RSRC1: variants seen among roughly 807,000 people sequenced by gnomAD.
RSRC1 encodes the protein serine/Arginine-related protein 53.
In RSRC1, 39 loss-of-function variants were observed where a neutral mutation model predicts 49.1. The observed-to-expected ratio is 0.79, with a 90% CI of 0.61 to 1.04. The LOEUF (loss-of-function observed/expected upper bound fraction) is 1.04. Ranked by LOEUF, RSRC1 falls within the 50% of genes least tolerant of loss-of-function variation. The pLI, the probability that RSRC1 is intolerant of heterozygous loss-of-function variation, is 0.00. For synonymous variants in RSRC1, 143 were observed against 130.8 expected, an observed-to-expected ratio of 1.09 and a Z score of -0.63; for missense variants, 388 against 402.4, an observed-to-expected ratio of 0.96 and a Z score of 0.31.
Position 158,330,447 on chromosome 3 carries a change from G to A in RSRC1, c.532-24410G>A, listed in dbSNP as rs1272134395. The stretch of plus-strand genomic sequence containing the variant: ...CTTAAAATGAAAATCCTATGTCAAA[G>A]GGTATGAGTATTTTAAATGTTCTTA... On this transcript the variant is annotated intron_variant, in intron 5 of 9. Transcript: ENST00000611884. 2.6e-5 allele frequency among the ~76,000 whole-genome samples: 4 copies of A among 152,268 alleles called. No individual in the cohort carries two copies. The East Asian group carries it at 5.8e-4, about 22-fold the overall frequency.
intron 5 of RSRC1, among the ~76,000 whole-genome samples, chr3:158,311,232 T>C (rs1324875520): frequency 6.6e-6 from 1 of 151,926 alleles, no homozygotes; most frequent in Admixed American, 6.6e-5. Context: ...CATATTAAAC[T>C]ATGAATTCCT....
At chr3:158,184,902 T>C (rs1719837794) in intron 3 of RSRC1, among the ~76,000 whole-genome samples, 1 of 152,044 alleles carries the variant, frequency 6.6e-6, no homozygotes, top group South Asian at 2.1e-4. Context: ...TGAAAAACTT[T>C]TAATTATTTT....
intron 6 of RSRC1, among the ~76,000 whole-genome samples, chr3:158,371,933 A>T (rs1732099492): frequency 6.6e-6 from 1 of 151,652 alleles, no homozygotes; most frequent in Non-Finnish European, 1.5e-5. Context: ...TTGTGGTTTC[A>T]ATCTGCATTT....
intron 3 of RSRC1, among the ~76,000 whole-genome samples, chr3:158,176,788 G>A (rs577687554): frequency 6.6e-6 from 1 of 152,218 alleles, no homozygotes; most frequent in African/African-American, 2.4e-5. Flanking sequence ...AACCAAAATT[G>A]ACAAACGGGA....
intron 3 of RSRC1, among the ~76,000 whole-genome samples, chr3:158,188,571 ATCC>A (rs1720055980): frequency 6.6e-6 from 1 of 151,958 alleles, no homozygotes; most frequent in Non-Finnish European, 1.5e-5. Flanking sequence ...GGGAATCATA[ATCC>A]TAGGCTGCCT....
intron 5 of RSRC1, among the ~76,000 whole-genome samples, chr3:158,313,242 G>A (rs1027443482): frequency 2.6e-5 from 4 of 151,852 alleles, no homozygotes; most frequent in African/African-American, 9.7e-5. Context: ...CCATATTATT[G>A]TGTAATTACT....
intron 5 of RSRC1, among the ~76,000 whole-genome samples, chr3:158,305,102 T>C (rs827163): frequency 0.45 from 69,065 of 151,866 alleles, 16,080 homozygotes; most frequent in East Asian, 0.64. Context: ...TAATAAATGA[T>C]TAATATTGTC....
intron 5 of RSRC1, chr3:158,336,850 A>G (rs1382437708): frequency 1.3e-5 from 2 of 151,194 alleles, no homozygotes; most frequent in Non-Finnish European, 2.9e-5. Flanking sequence ...GTCTTCCCAC[A>G]CTCATTTATT....
chr3:158,535,275 G>A (rs1373080084), intron 7 of RSRC1, among the ~76,000 whole-genome samples: 2 of 151,184 alleles, frequency 1.3e-5, no homozygotes, highest in East Asian at 3.9e-4. Context: ...TGTTTGTCCT[G>A]TTATTTTGAA....
chr3:158,212,505 T>C (rs903758908), intron 4 of RSRC1, among the ~76,000 whole-genome samples: 1 of 151,956 alleles, frequency 6.6e-6, no homozygotes, highest in Non-Finnish European at 1.5e-5. Flanking sequence ...TAAATACCAA[T>C]TAAAATTCCA....
rs186327168 is a variant in RSRC1 at position 158,119,707 on chromosome 3, T to C, written c.-2-2396T>C. Among the ~76,000 whole-genome samples the C allele has an allele frequency of 3.7e-3, 337 of 91,470 alleles. 2 individuals carry two copies. The highest frequency in any genetic ancestry group is 0.012 in the African/African-American group (326 of 26,628). 60.0% of individuals were successfully genotyped at this position (91,470 alleles called of 152,430 possible). A position where few individuals can be genotyped will look rare whatever the true frequency, so the allele number is the denominator to read the frequency against. ...TATATATTTTATGTATAAATGGATA[T>C]GGACACATGTGAATTTATATGTATG... On this transcript the variant is annotated intron_variant, in intron 1 of 9. Transcript: ENST00000611884.
chr3:158,267,580 G>A (rs567867240), intron 4 of RSRC1, among the ~76,000 whole-genome samples: 5 of 150,888 alleles, frequency 3.3e-5, no homozygotes, highest in Non-Finnish European at 7.4e-5. Context: ...ACTTATGGTG[G>A]TCTTTCTTTA....
intron 7 of RSRC1, among the ~76,000 whole-genome samples, chr3:158,483,129 A>G (rs1355522465): frequency 2.6e-5 from 4 of 152,018 alleles, no homozygotes; most frequent in Non-Finnish European, 5.9e-5. Flanking sequence ...TCAACAAAAG[A>G]AAAAGAAAAA....
At chr3:158,520,449 A>G (rs529180064) in intron 7 of RSRC1, among the ~76,000 whole-genome samples, 2 of 152,268 alleles carry the variant, frequency 1.3e-5, no homozygotes, top group East Asian at 3.9e-4. Flanking sequence ...GGCTTTTTGA[A>G]TGTGTTTACT....
intron 7 of RSRC1, among the ~76,000 whole-genome samples, chr3:158,520,109 G>A (rs905089355): frequency 6.6e-6 from 1 of 152,142 alleles, no homozygotes; most frequent in Non-Finnish European, 1.5e-5. Context: ...GACAGTCAAA[G>A]GTAGTTTTTA....
intron 7 of RSRC1, among the ~76,000 whole-genome samples, chr3:158,503,121 T>C (rs1373234454): frequency 6.6e-6 from 1 of 152,170 alleles, no homozygotes; most frequent in African/African-American, 2.4e-5. Context: ...TGGACGTGGC[T>C]TCCTGTGAGC....
chr3:158,172,611 G>T (rs530264759), intron 3 of RSRC1, among the ~76,000 whole-genome samples: 1 of 152,092 alleles, frequency 6.6e-6, no homozygotes, highest in Non-Finnish European at 1.5e-5. Context: ...GTTAGCTAGC[G>T]TGTGTTTCTT....
At chr3:158,483,840 C>G (rs997482876) in intron 7 of RSRC1, among the ~76,000 whole-genome samples, 3 of 151,836 alleles carry the variant, frequency 2.0e-5, no homozygotes, top group African/African-American at 7.3e-5. Context: ...ATTAGTTACG[C>G]CTGACTAGTA....
intron 4 of RSRC1, among the ~76,000 whole-genome samples, chr3:158,251,377 G>T (rs1724200929): frequency 6.6e-6 from 1 of 152,016 alleles, no homozygotes. Flanking sequence ...TTTTAAGAGA[G>T]ATTGCATTAA....
Sources: allele counts gnomAD v4.1 joint callset (sites outside exome capture counted in the v4.1 genomes callset), GRCh38; gene constraint gnomAD v4.1.1; transcripts MANE v1.5; gene names NCBI Gene and HGNC (gene_info 2026-07-23, HGNC 2026-07-21).